LOC128462377: variants seen among roughly 807,000 people sequenced by gnomAD.
At chr16:89,369,282 G>A in the LOC128462377 span, among the ~76,000 whole-genome samples, 1 of 152,184 alleles carries the variant, frequency 6.6e-6, no homozygotes, top group Admixed American at 6.5e-5. Context: ...ATGCCCACAC[G>A]TCTCCACGAC....
chr16:89,327,440 G>GA, the LOC128462377 span, among the ~76,000 whole-genome samples: 4 of 152,182 alleles, frequency 2.6e-5, no homozygotes, highest in Admixed American at 2.0e-4. Flanking sequence ...GTCTCTCTCT[G>GA]AAGATGGTGT....
chr16:89,393,574 C>T, the LOC128462377 span, among the ~76,000 whole-genome samples: 1 of 150,714 alleles, frequency 6.6e-6, no homozygotes, highest in Non-Finnish European at 1.5e-5. Flanking sequence ...CTCCCGACCT[C>T]AGAGTGATTT....
the LOC128462377 span, among the ~76,000 whole-genome samples, chr16:89,413,511 G>C: frequency 1.3e-5 from 2 of 152,194 alleles, no homozygotes; most frequent in African/African-American, 4.8e-5. Context: ...TATAGTCCCA[G>C]CTACTTGGGA....
At chr16:89,317,112 C>T in the LOC128462377 span, 1 of 1,391,400 alleles carries the variant, frequency 7.2e-7, no homozygotes, top group Non-Finnish European at 9.9e-7. Context: ...TCACTGAATT[C>T]AGAGGCAGCT....
At chr16:89,384,879 C>CTTTTTCTTTTTTTTTTT in the LOC128462377 span, among the ~76,000 whole-genome samples, 1 of 49,910 alleles carries the variant, frequency 2.0e-5, no homozygotes, top group African/African-American at 7.9e-5. Flanking sequence ...AAATAGTTTT[C>CTTTTTCTTTTTTTTTTT]TTTTTTTTTT....
the LOC128462377 span, among the ~76,000 whole-genome samples, chr16:89,380,917 C>A: frequency 6.6e-6 from 1 of 152,162 alleles, no homozygotes; most frequent in South Asian, 2.1e-4. Flanking sequence ...CTGAGGCAGG[C>A]AGACGGAGCA....
the LOC128462377 span, among the ~76,000 whole-genome samples, chr16:89,321,912 G>A: frequency 3.3e-5 from 5 of 152,272 alleles, no homozygotes; most frequent in East Asian, 1.9e-4. Context: ...CCCGGAGGAC[G>A]AAAGCCATTC....
chr16:89,335,212 G>A, the LOC128462377 span, among the ~76,000 whole-genome samples: 8 of 152,266 alleles, frequency 5.3e-5, no homozygotes, highest in Admixed American at 1.3e-4. Flanking sequence ...CATTGTCCTG[G>A]CGTTCCATGC....
chr16:89,332,550 T>A, the LOC128462377 span, among the ~76,000 whole-genome samples: 1 of 152,172 alleles, frequency 6.6e-6, no homozygotes, highest in Admixed American at 6.5e-5. Context: ...CTCTATAAAA[T>A]GAGGACAAGA....
the LOC128462377 span, among the ~76,000 whole-genome samples, chr16:89,366,129 C>CAAAAA: frequency 1.2e-4 from 7 of 60,396 alleles, no homozygotes; most frequent in African/African-American, 1.9e-4. Flanking sequence ...GACTCCATCT[C>CAAAAA]AAAAAAAAAA....
the LOC128462377 span, among the ~76,000 whole-genome samples, chr16:89,338,719 T>A: frequency 3.9e-5 from 3 of 77,560 alleles, no homozygotes; most frequent in East Asian, 3.6e-4. Flanking sequence ...AGAGCAACAC[T>A]CAGTCTCAAA....
At chr16:89,364,067 A>AACACACAC in the LOC128462377 span, among the ~76,000 whole-genome samples, 44 of 150,536 alleles carry the variant, frequency 2.9e-4, no homozygotes, top group Non-Finnish European at 5.5e-4. Flanking sequence ...GCTGATTTAA[A>AACACACAC]ACACACACAC....
the LOC128462377 span, among the ~76,000 whole-genome samples, chr16:89,355,304 G>C: frequency 1.3e-5 from 2 of 152,040 alleles, no homozygotes; most frequent in Non-Finnish European, 2.9e-5. Context: ...GAAGGCGGGC[G>C]GACGGCTCAC....
chr16:89,394,348 G>A, the LOC128462377 span, among the ~76,000 whole-genome samples: 2 of 152,212 alleles, frequency 1.3e-5, no homozygotes, highest in African/African-American at 4.8e-5. Flanking sequence ...CAGCTCGTGG[G>A]CCAGGCACAG....
At chr16:89,374,892 T>G in the LOC128462377 span, among the ~76,000 whole-genome samples, 1 of 152,062 alleles carries the variant, frequency 6.6e-6, no homozygotes, top group Non-Finnish European at 1.5e-5. Flanking sequence ...TGTGACCATT[T>G]GGAAAGAATT....
the LOC128462377 span, among the ~76,000 whole-genome samples, chr16:89,413,626 A>C: frequency 7.2e-5 from 11 of 152,196 alleles, no homozygotes; most frequent in African/African-American, 2.7e-4. Context: ...GTCTCAAAAA[A>C]AGAAAAAAAT....
At chr16:89,377,945 A>G in the LOC128462377 span, among the ~76,000 whole-genome samples, 14 of 151,690 alleles carry the variant, frequency 9.2e-5, no homozygotes, top group Non-Finnish European at 2.1e-4. Context: ...ATGATGACCC[A>G]CTTCCACTTA....
the LOC128462377 span, among the ~76,000 whole-genome samples, chr16:89,325,874 C>T: frequency 1.3e-5 from 2 of 152,296 alleles, no homozygotes; most frequent in East Asian, 1.9e-4. Flanking sequence ...AGGGCCCCAT[C>T]GCCCTGCTAG....
the LOC128462377 span, among the ~76,000 whole-genome samples, chr16:89,401,891 A>G: frequency 4.1e-5 from 6 of 146,526 alleles, no homozygotes; most frequent in African/African-American, 1.2e-4. Context: ...CGGGCACACC[A>G]GAGACTCCCC....
Sources: gnomAD v4.1 joint callset for allele counts (sites outside exome capture counted in the v4.1 genomes callset) on GRCh38, gnomAD v4.1.1 for gene constraint, MANE v1.5 for transcripts.